Variants in SH3GL2 observed in about 807,000 individuals in gnomAD.
The protein encoded by SH3GL2 is SH3 domain containing GRB2 like 2, endophilin A1.
Under a neutral mutation model 46.0 loss-of-function variants are expected in SH3GL2, and 24 were observed. The observed-to-expected ratio is 0.52, with a 90% CI of 0.38 to 0.73. The LOEUF (loss-of-function observed/expected upper bound fraction) is 0.73, where lower values mean the gene tolerates loss of function less well. Among genes scored for constraint, SH3GL2 ranks in the 30% least tolerant of loss-of-function variants. The pLI is 0.00. For missense variants in SH3GL2, 413 were observed against 424.2 expected, an observed-to-expected ratio of 0.97 and a Z score of 0.23; for synonymous variants, 196 against 147.1, an observed-to-expected ratio of 1.33 and a Z score of -2.40.
At chr9:17,603,872 GAAAC>G (rs940745814) in intron 1 of SH3GL2, among the ~76,000 whole-genome samples, 12 of 152,118 alleles carry the variant, frequency 7.9e-5, no homozygotes, top group African/African-American at 2.9e-4. Context: ...TGTCAAAAAA[GAAAC>G]AAACAAAAGC....
At chr9:17,667,964 G>A (rs1050764874) in intron 1 of SH3GL2, among the ~76,000 whole-genome samples, 3 of 152,154 alleles carry the variant, frequency 2.0e-5, no homozygotes, top group African/African-American at 7.2e-5. Context: ...TTAGAGAAAC[G>A]TCTTCTTTAA....
intron 1 of SH3GL2, among the ~76,000 whole-genome samples, chr9:17,716,955 A>T (rs1187143985): frequency 6.6e-6 from 1 of 152,040 alleles, no homozygotes; most frequent in Non-Finnish European, 1.5e-5. Context: ...CATATGGTTG[A>T]TTGGTTGGTT....
intron 1 of SH3GL2, among the ~76,000 whole-genome samples, chr9:17,727,108 C>G (rs572128224): frequency 9.7e-4 from 147 of 152,244 alleles, no homozygotes; most frequent in Non-Finnish European, 1.7e-3. Flanking sequence ...TATAGACTTA[C>G]AGTGGAACAC....
intron 1 of SH3GL2, among the ~76,000 whole-genome samples, chr9:17,737,771 A>G (rs1417763069): frequency 6.6e-6 from 1 of 151,852 alleles, no homozygotes; most frequent in Admixed American, 6.6e-5. Context: ...ACTCAGCTGT[A>G]CTCTGGAGAT....
rs572654160 is a variant in SH3GL2, at chr9:17,664,124, C to T, written c.46-82942C>T. Among the ~76,000 whole-genome samples the T allele has an allele frequency of 6.6e-5, 10 of 152,246 alleles. No individual in the cohort carries two copies. The South Asian group carries it at 1.2e-3, about 19-fold the overall frequency. ...CCACCCTCCTAGCATTAATTCAGTA[C>T]GCCTAAGTGAAGTTGCTAGCTGCTA... is the stretch of plus-strand genomic sequence containing the variant. On this transcript the variant is annotated intron_variant, in intron 1 of 8. Transcript: ENST00000380607.
intron 1 of SH3GL2, among the ~76,000 whole-genome samples, chr9:17,692,774 A>G (rs1268807173): frequency 6.6e-6 from 1 of 152,160 alleles, no homozygotes; most frequent in African/African-American, 2.4e-5. Flanking sequence ...CATGCTTGAA[A>G]CTAGGAACAA....
intron 2 of SH3GL2, chr9:17,755,866 C>T: frequency 1.6e-6 from 1 of 631,106 alleles, no homozygotes; most frequent in Non-Finnish European, 2.0e-6. Context: ...AGAGTAACCC[C>T]ATTCTAGTCA....
intron 5 of SH3GL2, among the ~76,000 whole-genome samples, chr9:17,788,807 C>A (rs907022314): frequency 1.3e-5 from 2 of 152,146 alleles, no homozygotes; most frequent in Non-Finnish European, 1.5e-5. Context: ...ACAGCTGCAT[C>A]AGTCAGCTGG....
chr9:17,691,408 T>G (rs1311854734), intron 1 of SH3GL2, among the ~76,000 whole-genome samples: 1 of 152,144 alleles, frequency 6.6e-6, no homozygotes, highest in Non-Finnish European at 1.5e-5. Flanking sequence ...AATAGAAAAT[T>G]AGATAGTAAT....
In SH3GL2 at chr9:17,593,233, A is replaced by C. The variant is rs1418326654; in HGVS notation, c.45+13946A>C. Reference sequence around the variant, plus strand: ...GCAAATTAGTTGAATCACAGGAGGGAGTTGTGGGAACCCTGATTTATAGCT... The same window carrying C: ...GCAAATTAGTTGAATCACAGGAGGGCGTTGTGGGAACCCTGATTTATAGCT... On this transcript the variant is annotated intron_variant, in intron 1 of 8. Coordinates refer to ENST00000380607, the MANE Select transcript of SH3GL2 (RefSeq NM_003026.5). 2.0e-5 allele frequency among the ~76,000 whole-genome samples: 3 copies of C among 152,128 alleles called. No individual in the cohort carries two copies. The East Asian group carries it at 5.8e-4, about 29-fold the overall frequency.
At chr9:17,711,222 GTT>G (rs1275996074) in intron 1 of SH3GL2, among the ~76,000 whole-genome samples, 5 of 151,798 alleles carry the variant, frequency 3.3e-5, no homozygotes, top group Non-Finnish European at 7.4e-5. Flanking sequence ...TACCATTAGT[GTT>G]TTTTTATTTG....
At chr9:17,637,754 A>C (rs979493748) in intron 1 of SH3GL2, among the ~76,000 whole-genome samples, 15 of 152,230 alleles carry the variant, frequency 9.9e-5, no homozygotes, top group African/African-American at 3.1e-4. Context: ...TGGGTGCTTT[A>C]TGGAGTCACA....
At chr9:17,662,911 A>T (rs922146762) in intron 1 of SH3GL2, among the ~76,000 whole-genome samples, 2 of 152,034 alleles carry the variant, frequency 1.3e-5, no homozygotes, top group Admixed American at 1.3e-4. Flanking sequence ...GGGTTTTGCC[A>T]TGTTGGCCAG....
At chr9:17,663,869 A>C (rs1403649815) in intron 1 of SH3GL2, among the ~76,000 whole-genome samples, 2 of 152,342 alleles carry the variant, frequency 1.3e-5, no homozygotes, top group South Asian at 2.1e-4. Context: ...AATAACATGA[A>C]TTAAAGACTT....
At position 17,736,592 on chromosome 9, in the gene SH3GL2, A is replaced by G. The variant is rs149813551; in HGVS notation, c.46-10474A>G. Among the ~76,000 whole-genome samples the G allele has an allele frequency of 2.6e-3, 396 of 152,282 alleles. 2 individuals are homozygous for G. Among genetic ancestry groups the G allele is most frequent in the African/African-American group, 9.2e-3 (384 of 41,564 alleles). ...GAAGGAAGAACATTTATCTCAGGAT[A>G]GAGCTTCACTGCCACATTTGGTGAC... is the stretch of plus-strand genomic sequence containing the variant. On this transcript the variant is annotated intron_variant, in intron 1 of 8. Coordinates refer to ENST00000380607, the MANE Select transcript of SH3GL2 (RefSeq NM_003026.5).
chr9:17,756,098 C>G (rs979846143), intron 2 of SH3GL2, among the ~76,000 whole-genome samples: 1 of 152,032 alleles, frequency 6.6e-6, no homozygotes, highest in Non-Finnish European at 1.5e-5. Context: ...CAAAAGCGTC[C>G]ATTGACAGCG....
chr9:17,652,704 A>C (rs867626834), intron 1 of SH3GL2, among the ~76,000 whole-genome samples: 1 of 152,188 alleles, frequency 6.6e-6, no homozygotes, highest in Non-Finnish European at 1.5e-5. Context: ...GGAAATGCTC[A>C]TTGGAGCATT....
intron 1 of SH3GL2, among the ~76,000 whole-genome samples, chr9:17,596,133 A>G (rs1007076326): frequency 5.3e-5 from 8 of 152,224 alleles, no homozygotes; most frequent in Admixed American, 3.9e-4. Flanking sequence ...TTCTAGAACT[A>G]TAAATATATG....
At chr9:17,711,152 C>T (rs551378208) in intron 1 of SH3GL2, among the ~76,000 whole-genome samples, 1 of 151,894 alleles carries the variant, frequency 6.6e-6, no homozygotes, top group Non-Finnish European at 1.5e-5. Context: ...CAAAGGATGC[C>T]TGACACAGTA....
Sources: gnomAD v4.1 joint callset for allele counts (sites outside exome capture counted in the v4.1 genomes callset) on GRCh38, gnomAD v4.1.1 for gene constraint, MANE v1.5 for transcripts, NCBI Gene and HGNC (gene_info 2026-07-23, HGNC 2026-07-21) for gene names.